Variants in GALNTL6 observed in about 807,000 individuals in gnomAD.
GALNTL6 encodes the protein polypeptide N-acetylgalactosaminyltransferase like 6.
In GALNTL6, 46 loss-of-function variants were observed where a neutral mutation model predicts 73.7. The observed-to-expected ratio is 0.62, with a 90% CI of 0.49 to 0.80. GALNTL6 has a LOEUF of 0.80. GALNTL6 is among the 30% of genes least tolerant of loss of function. The pLI is 0.00. For missense variants in GALNTL6, 604 were observed against 755.0 expected, an observed-to-expected ratio of 0.80 and a Z score of 2.34; for synonymous variants, 259 against 263.7, an observed-to-expected ratio of 0.98 and a Z score of 0.17.
chr4:172,820,924 A>G (rs868279600), intron 7 of GALNTL6, among the ~76,000 whole-genome samples: 1 of 152,246 alleles, frequency 6.6e-6, no homozygotes, highest in Non-Finnish European at 1.5e-5. Flanking sequence ...ATCTATGTTC[A>G]TCAGTTTAGT....
In GALNTL6 at chr4:172,166,831, G is replaced by A. The variant is rs189755219; in HGVS notation, c.139-62825G>A. ...TTTTTTACATTTGAATAGAAATAAGGTGAATTACCTCAATTTATGCAATTC... is the reference window on the plus strand; with the variant it reads ...TTTTTTACATTTGAATAGAAATAAGATGAATTACCTCAATTTATGCAATTC... On this transcript the variant is annotated intron_variant, in intron 2 of 12. Coordinates refer to ENST00000506823, the MANE Select transcript of GALNTL6 (RefSeq NM_001034845.3). Among the ~76,000 whole-genome samples the A allele has an allele frequency of 1.4e-4, 21 of 152,232 alleles. No individual in the cohort carries two copies. The East Asian group carries it at 4.1e-3, about 29-fold the overall frequency.
At chr4:172,311,853 A>T in intron 4 of GALNTL6, 101 bp downstream of exon 4, 1 of 760,384 alleles carries the variant, frequency 1.3e-6, no homozygotes, top group Non-Finnish European at 2.0e-6. Context: ...GTAACCAAAT[A>T]TTTTATCCTA....
intron 2 of GALNTL6, among the ~76,000 whole-genome samples, chr4:171,958,683 T>C (rs1739127957): frequency 6.6e-6 from 1 of 152,126 alleles, no homozygotes; most frequent in Non-Finnish European, 1.5e-5. Context: ...CTATGATCAA[T>C]CACATAATTG....
At chr4:171,951,695 T>C (rs1268434249) in intron 2 of GALNTL6, among the ~76,000 whole-genome samples, 1 of 152,034 alleles carries the variant, frequency 6.6e-6, no homozygotes. Flanking sequence ...ATTCAATTTT[T>C]AAAAACTGGA....
intron 5 of GALNTL6, among the ~76,000 whole-genome samples, chr4:172,402,705 C>T (rs1241854714): frequency 6.6e-6 from 1 of 151,916 alleles, no homozygotes; most frequent in Non-Finnish European, 1.5e-5. Context: ...GGTAAGACTA[C>T]AAATGAACAC....
intron 2 of GALNTL6, among the ~76,000 whole-genome samples, chr4:171,985,838 G>C (rs1740056695): frequency 6.6e-6 from 1 of 151,702 alleles, no homozygotes; most frequent in Admixed American, 6.6e-5. Flanking sequence ...AGGAGTTTGA[G>C]AGCAGCCTGA....
intron 5 of GALNTL6, among the ~76,000 whole-genome samples, chr4:172,647,355 A>G (rs1315684137): frequency 6.6e-6 from 1 of 152,146 alleles, no homozygotes. Flanking sequence ...TTCATGTATT[A>G]TATCACGTAG....
chr4:172,096,095 T>TGTGTGTGA, intron 2 of GALNTL6, among the ~76,000 whole-genome samples: 1 of 151,492 alleles, frequency 6.6e-6, no homozygotes, highest in East Asian at 1.9e-4. Flanking sequence ...TGTGTGTGTG[T>TGTGTGTGA]GTGTGTGTGT....
chr4:172,868,350 C>T (rs973180001), intron 7 of GALNTL6, among the ~76,000 whole-genome samples: 1 of 152,068 alleles, frequency 6.6e-6, no homozygotes, highest in Non-Finnish European at 1.5e-5. Context: ...ATCTTCTCAG[C>T]ATCTTTGGGA....
At chr4:171,962,200 G>T (rs1009953748) in intron 2 of GALNTL6, among the ~76,000 whole-genome samples, 9 of 152,106 alleles carry the variant, frequency 5.9e-5, no homozygotes, top group Non-Finnish European at 8.8e-5. Context: ...TGGATTAAAG[G>T]TTCCCTTGTA....
chr4:172,221,055 A>G (rs1162403446), intron 2 of GALNTL6, among the ~76,000 whole-genome samples: 1 of 151,870 alleles, frequency 6.6e-6, no homozygotes. Flanking sequence ...TTCTTGTACT[A>G]TCAAGCTGTC....
At chr4:172,437,050 A>G (rs532753154) in intron 5 of GALNTL6, among the ~76,000 whole-genome samples, 2 of 152,202 alleles carry the variant, frequency 1.3e-5, no homozygotes, top group South Asian at 4.1e-4. Context: ...TTGTGAGGCC[A>G]CCACACAAAT....
intron 5 of GALNTL6, among the ~76,000 whole-genome samples, chr4:172,631,149 A>AT (rs548371593): frequency 3.6e-4 from 53 of 148,510 alleles, no homozygotes; most frequent in Admixed American, 1.2e-3. Flanking sequence ...ATATGTAGTA[A>AT]TTTTTTTTTT....
At chr4:172,022,629 A>G (rs936970224) in intron 2 of GALNTL6, among the ~76,000 whole-genome samples, 5 of 151,524 alleles carry the variant, frequency 3.3e-5, no homozygotes, top group Non-Finnish European at 7.4e-5. Context: ...TTTCATCACT[A>G]TTCACCCTTA....
intron 5 of GALNTL6, among the ~76,000 whole-genome samples, chr4:172,416,905 T>C (rs1430646293): frequency 1.3e-5 from 2 of 152,150 alleles, no homozygotes; most frequent in African/African-American, 4.8e-5. Context: ...AACGGGGTAA[T>C]TGTTTCCTTC....
intron 5 of GALNTL6, among the ~76,000 whole-genome samples, chr4:172,790,690 A>C (rs1739942759): frequency 6.6e-6 from 1 of 152,108 alleles, no homozygotes; most frequent in African/African-American, 2.4e-5. Flanking sequence ...CAGGAGTTCA[A>C]GACCAGCCTG....
intron 7 of GALNTL6, among the ~76,000 whole-genome samples, chr4:172,847,891 A>G (rs1201444232): frequency 6.6e-6 from 1 of 152,174 alleles, no homozygotes; most frequent in African/African-American, 2.4e-5. Context: ...GTTTTCACCC[A>G]GCTTTCTTCC....
chr4:172,835,685 G>A (rs1037555209), intron 7 of GALNTL6, among the ~76,000 whole-genome samples: 2 of 152,278 alleles, frequency 1.3e-5, no homozygotes, highest in Admixed American at 6.5e-5. Flanking sequence ...GAAGCCGAAT[G>A]CACTCCGATT....
At chr4:172,450,502 T>A (rs567244022) in intron 5 of GALNTL6, among the ~76,000 whole-genome samples, 1 of 152,320 alleles carries the variant, frequency 6.6e-6, no homozygotes, top group Admixed American at 6.5e-5. Context: ...TTTTTGTCCC[T>A]TGCATTTAGT....
Sources: gnomAD v4.1 joint callset for allele counts (sites outside exome capture counted in the v4.1 genomes callset) on GRCh38, gnomAD v4.1.1 for gene constraint, MANE v1.5 for transcripts, NCBI Gene and HGNC (gene_info 2026-07-23, HGNC 2026-07-21) for gene names.